The following CPSF6 variants were observed in gnomAD, a reference collection of about 807,000 sequenced individuals.
CPSF6 encodes cleavage and polyadenylation specific factor 6.
CPSF6 carries 10 observed loss-of-function variants against 56.7 expected under a neutral mutation model. The observed-to-expected ratio is 0.18, with a 90% CI of 0.11 to 0.30. The LOEUF (loss-of-function observed/expected upper bound fraction) is 0.30. CPSF6 is among the 10% of genes least tolerant of loss of function. The probability of loss-of-function intolerance (pLI) is 1.00; values close to 1 mark genes in which losing one functional copy is unlikely to be tolerated. For synonymous variants in CPSF6, 248 were observed against 244.8 expected (o/e 1.01, Z -0.12); for missense variants, 419 against 722.9 (o/e 0.58, Z 4.82).
chr12:69,265,962 G>C (rs1378765685), intron 9 of CPSF6, among the ~76,000 whole-genome samples: 1 of 146,986 alleles, frequency 6.8e-6, no homozygotes, highest in Non-Finnish European at 1.5e-5. Flanking sequence ...CTTAGATTTT[G>C]TTATTGCCCA....
At chr12:69,260,404 T>C (rs577963979) in intron 8 of CPSF6, among the ~76,000 whole-genome samples, 17 of 151,536 alleles carry the variant, frequency 1.1e-4, no homozygotes, top group Non-Finnish European at 2.4e-4. Flanking sequence ...ACTGTAAAGA[T>C]TGAGGGACTG....
At chr12:69,242,882 G>A (rs1871699301) in intron 1 of CPSF6, among the ~76,000 whole-genome samples, 1 of 152,112 alleles carries the variant, frequency 6.6e-6, no homozygotes, top group Admixed American at 6.6e-5. Flanking sequence ...GCCAAGGTGG[G>A]CAGATCGCTT....
chr12:69,273,077 T>G lies in CPSF6; in HGVS notation c.*3569T>G, dbSNP rs577830071. The G allele has an allele frequency of 5.9e-6, 2 of 336,574 alleles. No individual in the cohort carries two copies. The highest frequency in any genetic ancestry group is 2.2e-5 in the African/African-American group (1 of 46,140). The allele number at this position is 336,574 out of a possible 1,614,324, so 20.8% of individuals were successfully genotyped here. A position where few individuals can be genotyped will look rare whatever the true frequency, so the allele number is the denominator to read the frequency against. On this transcript the variant is annotated 3_prime_UTR_variant, in exon 10 of 10. Transcript: ENST00000435070. Reference sequence around the variant, plus strand: ...GTGTTCGTAATGTGAGATTTTTGATTTAGATAAATCAAGATTCAGGATTAA... The same window carrying G: ...GTGTTCGTAATGTGAGATTTTTGATGTAGATAAATCAAGATTCAGGATTAA...
At position 69,258,290 on chromosome 12, in the gene CPSF6, G is replaced by C. The variant is rs763932673; in HGVS notation, c.695-300G>C. ...GGCATCAGAGTAGAATATAAGGTGG[G>C]TGATTTCACTGTAAGAAGTGTGTGT... On this transcript the variant is annotated intron_variant, in intron 5 of 9. Coordinates refer to ENST00000435070, the MANE Select transcript of CPSF6 (RefSeq NM_007007.3). This position sits in a 1 kb window ranked among gnomAD's most constrained non-coding sequence, Gnocchi z 4.2. The C allele has an allele frequency of 1.4e-4, 88 of 608,942 alleles. No individual in the cohort carries two copies. The Middle Eastern group carries it at 2.1e-3, about 15-fold the overall frequency. 37.7% of individuals were successfully genotyped at this position (608,942 alleles called of 1,614,324 possible). A position where few individuals can be genotyped will look rare whatever the true frequency, so the allele number is the denominator to read the frequency against.
intron 8 of CPSF6, 143 bp downstream of exon 8, chr12:69,260,340 TGTTA>T (rs1872692988): frequency 4.9e-6 from 3 of 611,922 alleles, no homozygotes; most frequent in Non-Finnish European, 8.3e-6. Context: ...TAACTCTAAA[TGTTA>T]GTTGCTTGCT....
rs1871557270 is a variant in CPSF6 at position 69,240,490 on chromosome 12, T to G, written c.60+784T>G. The stretch of plus-strand genomic sequence containing the variant: ...TGTTGGCCTTTGTGATGAAAATACC[T>G]GTGAAGATGAGTGGCCGGGGACCAA... On this transcript the variant is annotated intron_variant, in intron 1 of 9. Transcript: ENST00000435070. Among the ~76,000 whole-genome samples the G allele has an allele frequency of 2.6e-5, 4 of 152,108 alleles. 1 individual carries two copies. In the South Asian group the frequency reaches 8.3e-4, roughly 32 times the overall value.
chr12:69,252,046 C>T, intron 2 of CPSF6: 1 of 455,844 alleles, frequency 2.2e-6, no homozygotes. Context: ...CTTAATAACA[C>T]TGTATTTTTA....
intron 8 of CPSF6, among the ~76,000 whole-genome samples, chr12:69,261,822 C>A (rs1010414736): frequency 6.6e-5 from 10 of 152,146 alleles, no homozygotes; most frequent in African/African-American, 2.2e-4. Flanking sequence ...AATACTATAT[C>A]TATTCTTGCT....
chr12:69,254,559 C>CT (rs1872416130), intron 3 of CPSF6, among the ~76,000 whole-genome samples: 1 of 152,176 alleles, frequency 6.6e-6, no homozygotes, highest in Non-Finnish European at 1.5e-5. Flanking sequence ...TCTTCCAAGC[C>CT]TTTAAGCTTA....
chr12:69,251,954 A>G (rs1872262915), intron 2 of CPSF6: 2 of 445,154 alleles, frequency 4.5e-6, no homozygotes, highest in Middle Eastern at 4.0e-4. Flanking sequence ...GAATGTTTGT[A>G]TTTCTACTTA....
rs745723092 is a variant in CPSF6, at chr12:69,257,060, TAC to T, written c.520+219_520+220del. Among the ~76,000 whole-genome samples the T allele has an allele frequency of 9.1e-4, 139 of 152,336 alleles. 3 individuals are homozygous for T. The highest frequency in any genetic ancestry group is 3.4e-3 in the Middle Eastern group (1 of 294). On this transcript the variant is annotated intron_variant, in intron 4 of 9. Transcript: ENST00000435070. ...TTTTCTCCAGATGTAACAGACCCAA[TAC>T]TATACAACAATGTGCAAGTTCTATA...
At chr12:69,249,829 T>C (rs1209886848) in intron 1 of CPSF6, among the ~76,000 whole-genome samples, 3 of 152,240 alleles carry the variant, frequency 2.0e-5, no homozygotes, top group Non-Finnish European at 4.4e-5. Flanking sequence ...TGCTCCTGTT[T>C]CTGTTTCATT....
intron 1 of CPSF6, among the ~76,000 whole-genome samples, chr12:69,240,092 C>T (rs921648361): frequency 5.9e-5 from 9 of 151,552 alleles, no homozygotes; most frequent in Non-Finnish European, 1.2e-4. Flanking sequence ...CGCCCCCTCC[C>T]CCGTCGCTGG....
intron 9 of CPSF6, among the ~76,000 whole-genome samples, chr12:69,262,917 G>A (rs1319071635): frequency 6.6e-6 from 1 of 150,986 alleles, no homozygotes; most frequent in Non-Finnish European, 1.5e-5. Flanking sequence ...ACAAAACACA[G>A]GGAGTTATTT....
chr12:69,261,929 A>G (rs760302244), intron 8 of CPSF6, among the ~76,000 whole-genome samples: 1 of 152,160 alleles, frequency 6.6e-6, no homozygotes, highest in Non-Finnish European at 1.5e-5. Flanking sequence ...GCTGCTCATG[A>G]ACCATATGTT....
intron 2 of CPSF6, chr12:69,252,009 C>G: frequency 2.2e-6 from 1 of 455,780 alleles, no homozygotes; most frequent in South Asian, 1.5e-5. Flanking sequence ...ATGCAAAAAT[C>G]AATAAAACTT....
chr12:69,240,105 G>A lies in CPSF6; in HGVS notation c.60+399G>A, dbSNP rs530162134. ...CGCGCCCCCTCCCCCGTCGCTGGTC[G>A]GAGGAGGAAGCCCTGGCGGGGCGCG... is the stretch of plus-strand genomic sequence containing the variant. On this transcript the variant is annotated intron_variant, in intron 1 of 9. Transcript: ENST00000435070. 2.6e-5 allele frequency among the ~76,000 whole-genome samples: 4 copies of A among 151,504 alleles called. No individual in the cohort carries two copies. The South Asian group carries it at 8.3e-4, about 31-fold the overall frequency.
At chr12:69,266,166 A>C (rs921102135) in intron 9 of CPSF6, among the ~76,000 whole-genome samples, 11 of 152,040 alleles carry the variant, frequency 7.2e-5, no homozygotes, top group African/African-American at 2.7e-4. Flanking sequence ...GGTTATAATA[A>C]GATTTTAAAA....
At chr12:69,259,372 GACTA>G (rs1199609347) in intron 6 of CPSF6, 52 bp from the exon 7 acceptor site, 91 of 1,580,074 alleles carry the variant, frequency 5.8e-5, no homozygotes, top group East Asian at 1.3e-4. Context: ...ACACTGTTGT[GACTA>G]ACTGAGGAAA....
Sources: gnomAD v4.1 joint callset for allele counts (sites outside exome capture counted in the v4.1 genomes callset) on GRCh38, gnomAD v4.1.1 for gene constraint, Gnocchi (gnomAD v3.1) non-coding constraint, MANE v1.5 for transcripts, NCBI Gene and HGNC (gene_info 2026-07-23, HGNC 2026-07-21) for gene names.